ADAMTS9: variants seen among roughly 807,000 people sequenced by gnomAD.
The protein encoded by ADAMTS9 is ADAM metallopeptidase with thrombospondin type 1 motif 9.
ADAMTS9 carries 107 observed loss-of-function variants against 257.1 expected under a neutral mutation model. The observed-to-expected ratio is 0.42, with a 90% CI of 0.36 to 0.49. ADAMTS9 has a LOEUF of 0.49. Among genes scored for constraint, ADAMTS9 ranks in the 20% least tolerant of loss-of-function variants. The pLI is 0.03. For missense variants in ADAMTS9, 2,353 were observed against 2,469.1 expected, an observed-to-expected ratio of 0.95 and a Z score of 1.00; for synonymous variants, 982 against 880.9, an observed-to-expected ratio of 1.11 and a Z score of -2.03.
intron 10 of ADAMTS9, among the ~76,000 whole-genome samples, chr3:64,648,725 T>C (rs779584367): frequency 1.3e-5 from 2 of 152,218 alleles, no homozygotes; most frequent in African/African-American, 2.4e-5. Context: ...TAAAATTGTT[T>C]ATCTTGTTAT....
At chr3:64,523,509 G>C (rs2082875972) in intron 38 of ADAMTS9, among the ~76,000 whole-genome samples, 1 of 152,190 alleles carries the variant, frequency 6.6e-6, no homozygotes, top group East Asian at 1.9e-4. Flanking sequence ...AGTGGAATCT[G>C]CTAAGACGTG....
At chr3:64,649,823 G>C in intron 9 of ADAMTS9, 45 bp from the exon 10 acceptor site, 1 of 1,578,456 alleles carries the variant, frequency 6.3e-7, no homozygotes, top group Non-Finnish European at 8.6e-7. Context: ...AACGGTGGCT[G>C]TCAAGGTCTC....
chr3:64,579,075 CAA>C (rs1233476505), intron 28 of ADAMTS9, among the ~76,000 whole-genome samples: 4 of 152,288 alleles, frequency 2.6e-5, no homozygotes, highest in Non-Finnish European at 5.9e-5. Flanking sequence ...AAAGTGAAAA[CAA>C]AAACTCCGTC....
At chr3:64,581,880 A>G (rs954873445) in intron 28 of ADAMTS9, among the ~76,000 whole-genome samples, 1 of 152,116 alleles carries the variant, frequency 6.6e-6, no homozygotes, top group African/African-American at 2.4e-5. Context: ...AGGTCCCACC[A>G]TAAAATTTCT....
chr3:64,674,811 C>T (rs915331372), intron 3 of ADAMTS9, among the ~76,000 whole-genome samples: 3 of 152,178 alleles, frequency 2.0e-5, no homozygotes, highest in African/African-American at 7.2e-5. Flanking sequence ...TCCCCAGCTC[C>T]GTCTCTCACT....
At chr3:64,597,964 T>A (rs1391532898) in intron 26 of ADAMTS9, among the ~76,000 whole-genome samples, 1 of 152,198 alleles carries the variant, frequency 6.6e-6, no homozygotes, top group African/African-American at 2.4e-5. Flanking sequence ...TGAAGGCTGA[T>A]TTTTGCTTTC....
chr3:64,605,785 C>T (rs972057278), intron 23 of ADAMTS9, among the ~76,000 whole-genome samples: 2 of 152,110 alleles, frequency 1.3e-5, no homozygotes, highest in Admixed American at 6.5e-5. Context: ...CAAACACACA[C>T]ATATTACATG....
chr3:64,530,840 G>T (rs559530235), intron 38 of ADAMTS9, among the ~76,000 whole-genome samples: 1 of 152,160 alleles, frequency 6.6e-6, no homozygotes, highest in East Asian at 1.9e-4. Flanking sequence ...CACTAGACAG[G>T]CAAATTTTTT....
intron 25 of ADAMTS9, 147 bp downstream of exon 25, chr3:64,603,775 T>TTTAA: frequency 1.1e-6 from 1 of 946,534 alleles, no homozygotes; most frequent in Non-Finnish European, 1.6e-6. Context: ...TACACATAAG[T>TTTAA]GGAGCAGCAC....
intron 30 of ADAMTS9, among the ~76,000 whole-genome samples, chr3:64,554,988 G>T (rs2083314181): frequency 6.6e-6 from 1 of 152,268 alleles, no homozygotes. Context: ...TATATCTTTT[G>T]GTGCAATTCC....
intron 12 of ADAMTS9, among the ~76,000 whole-genome samples, chr3:64,638,817 A>G (rs1183908321): frequency 3.3e-5 from 5 of 152,146 alleles, no homozygotes; most frequent in Admixed American, 2.6e-4. Flanking sequence ...AGAATATACT[A>G]TAAAGTCTCT....
At chr3:64,552,519 A>T (rs2083282209) in intron 30 of ADAMTS9, among the ~76,000 whole-genome samples, 1 of 151,806 alleles carries the variant, frequency 6.6e-6, no homozygotes, top group African/African-American at 2.4e-5. Flanking sequence ...CAACGGGCTT[A>T]TCTAACAACT....
At chr3:64,667,388 A>G (rs970793905) in intron 3 of ADAMTS9, among the ~76,000 whole-genome samples, 2 of 152,206 alleles carry the variant, frequency 1.3e-5, no homozygotes, top group African/African-American at 4.8e-5. Flanking sequence ...TTGCCAAGTT[A>G]AGAGGCAAGT....
intron 8 of ADAMTS9, among the ~76,000 whole-genome samples, chr3:64,653,103 C>A (rs572397521): frequency 6.6e-6 from 1 of 152,256 alleles, no homozygotes; most frequent in East Asian, 1.9e-4. Flanking sequence ...TGGTCCCAAG[C>A]ATTTGGGTAA....
chr3:64,604,385 C>T lies in ADAMTS9; in HGVS notation c.3475-54G>A. On this transcript the variant is annotated intron_variant, in intron 23 of 39. Transcript: ENST00000498707. ...AGTCACTTTCAAGTCAATGCACTTTCAAGGTAATGGTCATGGTGGATAAAA... is the reference window on the plus strand; with the variant it reads ...AGTCACTTTCAAGTCAATGCACTTTTAAGGTAATGGTCATGGTGGATAAAA... 6 of 1,281,232 alleles carry T rather than the reference C, an allele frequency of 4.7e-6. No homozygotes were observed. In the Middle Eastern group the frequency reaches 5.7e-4, roughly 123 times the overall value. 79.4% of individuals were successfully genotyped at this position (1,281,232 alleles called of 1,614,324 possible).
chr3:64,658,435 G>A, intron 4 of ADAMTS9, 67 bp downstream of exon 4: 2 of 1,502,048 alleles, frequency 1.3e-6, no homozygotes. Flanking sequence ...AAAGCACTGA[G>A]TGGAAACCCA....
rs553707427 is a variant in ADAMTS9, at chr3:64,655,318, C to T, written c.1169+258G>A. On this transcript the variant is annotated intron_variant, in intron 6 of 39. Transcript: ENST00000498707. ...AACCAAGGTGATTCTGCCCTCCCCA[C>T]GGGGGGCAGTGGCAATGTCTGGAGA... Among the ~76,000 whole-genome samples the T allele has an allele frequency of 8.4e-4, 128 of 152,276 alleles. 1 individual carries two copies. Among genetic ancestry groups the T allele is most frequent in the African/African-American group, 2.8e-3 (116 of 41,550 alleles).
intron 38 of ADAMTS9, among the ~76,000 whole-genome samples, chr3:64,525,869 G>GT (rs1450926508): frequency 6.6e-6 from 1 of 150,878 alleles, no homozygotes; most frequent in Non-Finnish European, 1.5e-5. Flanking sequence ...GATTACAGGC[G>GT]TAAGCCACCG....
At chr3:64,632,828 C>A (rs1028996619) in intron 14 of ADAMTS9, among the ~76,000 whole-genome samples, 144 of 124,146 alleles carry the variant, frequency 1.2e-3, no homozygotes, top group Non-Finnish European at 1.0e-3. Context: ...GGACCACAGG[C>A]AAAAAAAAAA....
Sources: allele counts gnomAD v4.1 joint callset (sites outside exome capture counted in the v4.1 genomes callset), GRCh38; gene constraint gnomAD v4.1.1; transcripts MANE v1.5; gene names NCBI Gene and HGNC (gene_info 2026-07-23, HGNC 2026-07-21).